NECTIN1: variants seen among roughly 807,000 people sequenced by gnomAD.
The protein encoded by NECTIN1 is nectin cell adhesion molecule 1.
Under a neutral mutation model 48.0 loss-of-function variants are expected in NECTIN1, and 23 were observed. The observed-to-expected ratio is 0.48, with a 90% confidence interval of 0.34 to 0.68. The LOEUF (loss-of-function observed/expected upper bound fraction) is 0.68. NECTIN1 is among the 30% of genes least tolerant of loss of function. The pLI, the probability that NECTIN1 is intolerant of heterozygous loss-of-function variation, is 0.01. For missense variants in NECTIN1, 591 were observed against 709.9 expected, an observed-to-expected ratio of 0.83 and a Z score of 1.90; for synonymous variants, 270 against 288.9, an observed-to-expected ratio of 0.93 and a Z score of 0.66.
chr11:119,646,934 G>T (rs1001876840), intron 5 of NECTIN1, among the ~76,000 whole-genome samples: 2 of 152,172 alleles, frequency 1.3e-5, no homozygotes. Context: ...GTGGACAGTC[G>T]GTGCCTAGTG....
chr11:119,676,814 G>A (rs1409469684), intron 4 of NECTIN1: 1 of 467,368 alleles, frequency 2.1e-6, no homozygotes, highest in Non-Finnish European at 3.9e-6. Context: ...AATCACCAAA[G>A]GAAAACGACA....
chr11:119,715,430 A>T (rs1865728720), intron 1 of NECTIN1, among the ~76,000 whole-genome samples: 1 of 151,324 alleles, frequency 6.6e-6, no homozygotes, highest in Admixed American at 6.6e-5. Flanking sequence ...ATCTCGGCTC[A>T]GTGCAACCTC....
At chr11:119,688,121 A>G (rs182991733) in intron 1 of NECTIN1, among the ~76,000 whole-genome samples, 4 of 152,278 alleles carry the variant, frequency 2.6e-5, no homozygotes, top group Admixed American at 6.5e-5. Flanking sequence ...GTTGACTTCG[A>G]GAAAGGTGCA....
At position 119,655,427 on chromosome 11, in the gene NECTIN1, G is replaced by A. The variant is rs953199699; in HGVS notation, c.1004-15415C>T. ...CACACTGACACACTGCGACTGGTCT[G>A]TAGGTAAGTGGGGTTGTTTGATGTT... On this transcript the variant is annotated intron_variant, in intron 5 of 7. Coordinates refer to the NECTIN1 transcript ENST00000341398. 3.3e-5 allele frequency among the ~76,000 whole-genome samples: 5 copies of A among 152,256 alleles called. No individual in the cohort carries two copies. In the East Asian group the frequency reaches 9.7e-4, roughly 29 times the overall value.
intron 1 of NECTIN1, among the ~76,000 whole-genome samples, chr11:119,691,176 C>T (rs542405943): frequency 6.6e-6 from 1 of 152,326 alleles, no homozygotes; most frequent in Non-Finnish European, 1.5e-5. Context: ...CAACCTAGAC[C>T]ACAACACAAA....
At chr11:119,719,680 C>T (rs1398097693) in intron 1 of NECTIN1, among the ~76,000 whole-genome samples, 1 of 152,234 alleles carries the variant, frequency 6.6e-6, no homozygotes, top group African/African-American at 2.4e-5. Context: ...TGTCTATCCA[C>T]CCAGCATGGC....
chr11:119,652,546 T>G (rs1056824843), intron 5 of NECTIN1, among the ~76,000 whole-genome samples: 9 of 152,242 alleles, frequency 5.9e-5, no homozygotes, highest in Non-Finnish European at 8.8e-5. Flanking sequence ...CCTTGGAAAC[T>G]TTCAAAATCC....
At chr11:119,703,916 TG>T (rs1865499114) in intron 1 of NECTIN1, among the ~76,000 whole-genome samples, 1 of 152,104 alleles carries the variant, frequency 6.6e-6, no homozygotes. Flanking sequence ...GGCACACAGG[TG>T]CTCAGGAATG....
At chr11:119,685,159 T>C (rs1865134757) in intron 1 of NECTIN1, among the ~76,000 whole-genome samples, 1 of 152,214 alleles carries the variant, frequency 6.6e-6, no homozygotes, top group South Asian at 2.1e-4. Context: ...CTTTGGCTGG[T>C]GGGAGGTGCT....
chr11:119,639,029 C>A (rs1864281150), intron 6 of NECTIN1, among the ~76,000 whole-genome samples: 1 of 152,058 alleles, frequency 6.6e-6, no homozygotes, highest in Non-Finnish European at 1.5e-5. Context: ...GGTGTGTCTG[C>A]CCCGGACCCC....
intron 5 of NECTIN1, among the ~76,000 whole-genome samples, chr11:119,674,175 G>C (rs1864906952): frequency 6.6e-6 from 1 of 152,156 alleles, no homozygotes; most frequent in Non-Finnish European, 1.5e-5. Flanking sequence ...CTGCCGACCA[G>C]TCTTCTGTGT....
chr11:119,686,022 A>C lies in NECTIN1; in HGVS notation c.80-7257T>G, dbSNP rs114044315. The stretch of plus-strand genomic sequence containing the variant: ...CCAAGTGGCTGCTCTGTCTCTCTAC[A>C]CTGCCCAGCTCTTCCAGGAAGACCT... On this transcript the variant is annotated intron_variant, in intron 1 of 5. Coordinates refer to ENST00000264025, the MANE Select transcript of NECTIN1 (RefSeq NM_002855.5). Among the ~76,000 whole-genome samples, 733 of 152,196 alleles carry C rather than the reference A, an allele frequency of 4.8e-3. 6 individuals carry two copies. Among genetic ancestry groups the C allele is most frequent in the African/African-American group, 0.017 (700 of 41,506 alleles).
chr11:119,702,544 C>A (rs1591477020), intron 1 of NECTIN1, among the ~76,000 whole-genome samples: 1 of 152,094 alleles, frequency 6.6e-6, no homozygotes, highest in East Asian at 1.9e-4. Flanking sequence ...CTTCCACTTG[C>A]CCCCTTCTAG....
intron 7 of NECTIN1, chr11:119,638,365 TC>T (rs1456288820): frequency 2.3e-6 from 3 of 1,303,456 alleles, no homozygotes; most frequent in East Asian, 2.4e-5. Flanking sequence ...CATTCTGGCA[TC>T]CCCCACACTG....
Position 119,684,505 on chromosome 11 carries a change from C to A in NECTIN1, c.80-5740G>T, listed in dbSNP as rs1865121274. On this transcript the variant is annotated intron_variant, in intron 1 of 5. Coordinates refer to ENST00000264025, the MANE Select transcript of NECTIN1 (RefSeq NM_002855.5). This position sits in a 1 kb window ranked among gnomAD's most constrained non-coding sequence, Gnocchi z 5.2. ...GGCTTTCCAGGGATGCTCCCACCCC[C>A]ACCCCAGGAACTGGCAGAAGGGGAC... 6.6e-6 allele frequency among the ~76,000 whole-genome samples: 1 copy of A among 152,230 alleles called. No homozygotes were observed. Among genetic ancestry groups the A allele is most frequent in the Non-Finnish European group, 1.5e-5 (1 of 68,050 alleles).
At chr11:119,685,023 G>A (rs1323164995) in intron 1 of NECTIN1, among the ~76,000 whole-genome samples, 1 of 152,236 alleles carries the variant, frequency 6.6e-6, no homozygotes, top group Non-Finnish European at 1.5e-5. Flanking sequence ...AGCAGACCCA[G>A]TTCTTGTCCT....
Position 119,664,115 on chromosome 11 carries a change from C to A in NECTIN1, c.*632G>T. On this transcript the variant is annotated 3_prime_UTR_variant, in exon 6 of 6. Transcript: ENST00000264025. ...AATGAGGAAAAAAAATGTAAAACCA[C>A]CCTCAGCAGGAAAACACTGCCCAAG... is the stretch of plus-strand genomic sequence containing the variant. The A allele has an allele frequency of 1.0e-6, 1 of 985,960 alleles. No homozygotes were observed. The highest frequency in any genetic ancestry group is 4.7e-5 in the South Asian group (1 of 21,296). 61.1% of individuals were successfully genotyped at this position (985,960 alleles called of 1,614,324 possible).
Position 119,674,515 on chromosome 11 carries a change from G to A in NECTIN1, c.1003+644C>T, listed in dbSNP as rs184300365. 14 of 1,540,458 alleles carry A rather than the reference G, an allele frequency of 9.1e-6. No homozygotes were observed. In the African/African-American group the frequency reaches 1.5e-4, roughly 16 times the overall value. On this transcript the variant is annotated intron_variant, in intron 5 of 5. Transcript: ENST00000264025. The stretch of plus-strand genomic sequence containing the variant: ...ATACTGTCCCCGTTTTACAGATGGT[G>A]GGGGGGGCCCTGTCCAGGGTCACAG...
At chr11:119,690,179 G>A (rs1865228764) in intron 1 of NECTIN1, among the ~76,000 whole-genome samples, 1 of 152,112 alleles carries the variant, frequency 6.6e-6, no homozygotes, top group Non-Finnish European at 1.5e-5. Context: ...GAGACAGCCG[G>A]AGCTCCTTTC....
Sources: gnomAD v4.1 joint callset for allele counts (sites outside exome capture counted in the v4.1 genomes callset) on GRCh38, gnomAD v4.1.1 for gene constraint, Gnocchi (gnomAD v3.1) non-coding constraint, MANE v1.5 for transcripts, NCBI Gene and HGNC (gene_info 2026-07-23, HGNC 2026-07-21) for gene names.